The following PAM variants were observed in gnomAD, a reference collection of about 807,000 sequenced individuals.
PAM encodes the protein peptidylglycine alpha-amidating monooxygenase, also known as peptidyl-glycine alpha-amidating monooxygenase.
Under a neutral mutation model 122.1 loss-of-function variants are expected in PAM, and 72 were observed. The ratio of observed to expected loss-of-function variants is 0.59; its 90% confidence interval spans 0.49 to 0.72. The LOEUF (loss-of-function observed/expected upper bound fraction) is 0.72, where lower values mean the gene tolerates loss of function less well. Among genes scored for constraint, PAM ranks in the 30% least tolerant of loss-of-function variants. The pLI, the probability that PAM is intolerant of heterozygous loss-of-function variation, is 0.00. For missense variants in PAM, 1,106 were observed against 1,183.7 expected (o/e 0.93, Z 0.96); for synonymous variants, 389 against 404.4 (o/e 0.96, Z 0.46).
chr5:103,030,363 G>T (rs1023868461), downstream of PAM: 1 of 152,230 alleles, frequency 6.6e-6, no homozygotes, highest in African/African-American at 2.4e-5. Context: ...ATGCAAGTTA[G>T]TAAGAACCAG....
At chr5:102,789,636 A>C (rs1457420591) in intron 1 of PAM, among the ~76,000 whole-genome samples, 1 of 152,094 alleles carries the variant, frequency 6.6e-6, no homozygotes, top group Non-Finnish European at 1.5e-5. Context: ...GCTGGGAGGA[A>C]GAGAGAATGT....
chr5:102,787,461 T>C (rs543777420), intron 1 of PAM, among the ~76,000 whole-genome samples: 2 of 151,952 alleles, frequency 1.3e-5, no homozygotes, highest in Non-Finnish European at 2.9e-5. Context: ...AACTGCCTCC[T>C]TTAACAGCTA....
chr5:102,912,654 G>C (rs1325729586), intron 4 of PAM, among the ~76,000 whole-genome samples: 1 of 151,950 alleles, frequency 6.6e-6, no homozygotes, highest in Non-Finnish European at 1.5e-5. Context: ...ACTCCCAAGT[G>C]ATTCTTTCCT....
At chr5:102,955,562 A>C (rs1263115387) in intron 12 of PAM, among the ~76,000 whole-genome samples, 1 of 152,072 alleles carries the variant, frequency 6.6e-6, no homozygotes, top group Admixed American at 6.6e-5. Context: ...ACCTAAAGCT[A>C]TTTATATTAA....
chr5:102,940,143 C>CACACACAT (rs1364538187), intron 7 of PAM, among the ~76,000 whole-genome samples: 1 of 149,312 alleles, frequency 6.7e-6, no homozygotes, highest in South Asian at 2.1e-4. Context: ...CACACACACA[C>CACACACAT]ACACACATAC....
chr5:102,847,908 T>C (rs755984433), intron 1 of PAM, among the ~76,000 whole-genome samples: 24 of 152,194 alleles, frequency 1.6e-4, no homozygotes, highest in Non-Finnish European at 2.8e-4. Context: ...ATTTCTATTA[T>C]AGCAAGAATA....
At chr5:102,853,934 G>A (rs1429163410) in intron 1 of PAM, among the ~76,000 whole-genome samples, 1 of 152,158 alleles carries the variant, frequency 6.6e-6, no homozygotes, top group Admixed American at 6.5e-5. Context: ...TTATTTAAAA[G>A]CATTACTGAT....
intron 15 of PAM, among the ~76,000 whole-genome samples, chr5:102,978,120 C>A (rs2150521260): frequency 6.6e-6 from 1 of 152,208 alleles, no homozygotes; most frequent in Non-Finnish European, 1.5e-5. Context: ...ATTATTTGAT[C>A]TTAAGCAGCA....
intron 15 of PAM, among the ~76,000 whole-genome samples, chr5:102,987,300 A>G (rs942144804): frequency 2.0e-5 from 3 of 152,180 alleles, no homozygotes; most frequent in African/African-American, 7.2e-5. Context: ...AAAAATAGAT[A>G]AATACCATAT....
chr5:102,974,391 C>T lies in PAM; in HGVS notation c.1438C>T (p.Gln480Ter), dbSNP rs1308478739. 1 of 1,613,690 alleles carries T rather than the reference C, an allele frequency of 6.2e-7. No individual in the cohort carries two copies. Among genetic ancestry groups the T allele is most frequent in the African/African-American group, 1.3e-5 (1 of 74,886 alleles). The change falls in exon 15 of 26, where the codon CAG (glutamine) becomes TAG (stop). Residue 480 changes from glutamine to a stop codon, truncating the protein, a stop_gained. Transcript: ENST00000438793. LOFTEE classifies it high-confidence loss of function. ...AGAGAGCAGAGTTTTCTCATTACAG[C>T]AGCCCCCACCTGGTGAAGGCACCTG... Reference protein sequence around the residue: ...PPESRVFSLQQPPPGEGTWEP... With the variant: ...PPESRVFSLQ
chr5:102,796,910 A>C (rs1763515882), intron 1 of PAM, among the ~76,000 whole-genome samples: 1 of 152,206 alleles, frequency 6.6e-6, no homozygotes, highest in Admixed American at 6.5e-5. Context: ...TGGTTGTACA[A>C]AGTGCTAAAT....
chr5:102,892,898 G>T (rs1400875124), intron 3 of PAM, among the ~76,000 whole-genome samples: 1 of 151,776 alleles, frequency 6.6e-6, no homozygotes, highest in Non-Finnish European at 1.5e-5. Context: ...ATTGTCGTTT[G>T]TTATATATGT....
intron 3 of PAM, among the ~76,000 whole-genome samples, chr5:102,879,207 C>T (rs1790204268): frequency 6.6e-6 from 1 of 152,182 alleles, no homozygotes; most frequent in African/African-American, 2.4e-5. Context: ...TGGGAGATTA[C>T]AGGCGTGAGC....
At chr5:102,965,589 G>A (rs1344735634) in intron 14 of PAM, among the ~76,000 whole-genome samples, 1 of 151,852 alleles carries the variant, frequency 6.6e-6, no homozygotes, top group Non-Finnish European at 1.5e-5. Flanking sequence ...ACATTTATTT[G>A]GCTGCAGAAA....
chr5:102,979,066 A>G (rs1768806733), intron 15 of PAM, among the ~76,000 whole-genome samples: 1 of 151,822 alleles, frequency 6.6e-6, no homozygotes, highest in Non-Finnish European at 1.5e-5. Flanking sequence ...ACACACGCAC[A>G]CACACATACA....
At chr5:102,782,780 G>A (rs1759398363) in intron 1 of PAM, among the ~76,000 whole-genome samples, 1 of 149,576 alleles carries the variant, frequency 6.7e-6, no homozygotes, top group African/African-American at 2.5e-5. Context: ...TATTACTGGT[G>A]AAACTGGTAC....
intron 24 of PAM, 48 bp downstream of exon 24, chr5:103,025,382 G>T (rs1343497385): frequency 6.9e-7 from 1 of 1,451,648 alleles, no homozygotes; most frequent in Admixed American, 1.7e-5. Flanking sequence ...TTGAAAGAGT[G>T]TTTGGCCTAA....
intron 24 of PAM, among the ~76,000 whole-genome samples, chr5:103,027,664 T>C (rs1364774533): frequency 6.6e-6 from 1 of 152,178 alleles, no homozygotes; most frequent in Non-Finnish European, 1.5e-5. Context: ...GAAGAAACGA[T>C]ATACATGGAT....
At chr5:102,919,549 A>G (rs1746649029) in intron 5 of PAM, among the ~76,000 whole-genome samples, 1 of 152,092 alleles carries the variant, frequency 6.6e-6, no homozygotes, top group Non-Finnish European at 1.5e-5. Flanking sequence ...AAATATATGT[A>G]ACATCCTTGT....
Sources: allele counts gnomAD v4.1 joint callset (sites outside exome capture counted in the v4.1 genomes callset), GRCh38; gene constraint gnomAD v4.1.1; transcripts MANE v1.5; gene names NCBI Gene and HGNC (gene_info 2026-07-23, HGNC 2026-07-21).